Variants in FERMT1 observed in about 807,000 individuals in gnomAD.
FERMT1 encodes fermitin family homolog 1.
A neutral mutation model predicts 85.3 loss-of-function variants in FERMT1; 60 were observed. That is an observed-to-expected ratio of 0.70 (90% CI 0.57 to 0.87). The LOEUF (loss-of-function observed/expected upper bound fraction) is 0.87, where lower values mean the gene tolerates loss of function less well. Ranked by LOEUF, FERMT1 falls within the 40% of genes least tolerant of loss-of-function variation. The pLI is 0.00. For synonymous variants in FERMT1, 275 were observed against 301.1 expected (o/e 0.91, Z 0.90); for missense variants, 701 against 818.9 (o/e 0.86, Z 1.76).
At chr20:6,119,778 C>A (rs890517818) in intron 1 of FERMT1, among the ~76,000 whole-genome samples, 1 of 152,168 alleles carries the variant, frequency 6.6e-6, no homozygotes, top group Admixed American at 6.5e-5. Context: ...GGTCTCAAAT[C>A]ATCTAAATTT....
At chr20:6,087,123 A>C (rs1982209979) in intron 11 of FERMT1, among the ~76,000 whole-genome samples, 1 of 152,046 alleles carries the variant, frequency 6.6e-6, no homozygotes, top group Non-Finnish European at 1.5e-5. Context: ...GCCCTCTCAC[A>C]CTTCTGCCCT....
Position 6,094,940 on chromosome 20 carries a change from TA to T in FERMT1, c.1137del (p.Phe379LeufsTer23). ...TTTTCCCCATAAAAGTTTACTTACC[TA>T]AATAATTTGAGATTATCTGCAAGTT... ...IPKLADNLKL[F>X]RPKKLLPKAF... On this transcript the variant is annotated frameshift_variant and splice_region_variant, in exon 9 of 15. Transcript: ENST00000217289. LOFTEE classifies it high-confidence loss of function. 1.4e-6 allele frequency: 2 copies of T among 1,480,482 alleles called. No homozygotes were observed. Among genetic ancestry groups the T allele is most frequent in the Non-Finnish European group, 1.9e-6 (2 of 1,058,370 alleles). 91.7% of individuals were successfully genotyped at this position (1,480,482 alleles called of 1,614,324 possible). A position where few individuals can be genotyped will look rare whatever the true frequency, so the allele number is the denominator to read the frequency against.
At chr20:6,120,815 A>G (rs1983252574) in intron 1 of FERMT1, among the ~76,000 whole-genome samples, 1 of 152,150 alleles carries the variant, frequency 6.6e-6, no homozygotes, top group Non-Finnish European at 1.5e-5. Context: ...GGGGCCATAC[A>G]TTTCTTAACA....
intron 9 of FERMT1, among the ~76,000 whole-genome samples, chr20:6,093,715 G>T (rs1014718449): frequency 3.3e-5 from 5 of 152,224 alleles, no homozygotes; most frequent in African/African-American, 1.2e-4. Context: ...CCAGCACTTT[G>T]GGAGGCCAAG....
In FERMT1 at chr20:6,122,980, C is replaced by A. The variant is rs1449338200; in HGVS notation, c.-225G>T. On this transcript the variant is annotated 5_prime_UTR_variant, in exon 1 of 15. Coordinates refer to ENST00000217289, the MANE Select transcript of FERMT1 (RefSeq NM_017671.5). ...CAGGCGAAGCTGCCTCGGGACCTCC[C>A]ACGGAGGCTCGGTGCCTGCCCCCAG... 1 of 152,278 alleles carries A rather than the reference C, an allele frequency of 6.6e-6. No homozygotes were observed. The highest frequency in any genetic ancestry group is 1.5e-5 in the Non-Finnish European group (1 of 68,104). The allele number at this position is 152,278 out of a possible 1,614,324, so 9.4% of individuals were successfully genotyped here. A position where few individuals can be genotyped will look rare whatever the true frequency, so the allele number is the denominator to read the frequency against.
intron 4 of FERMT1, 57 bp from the exon 5 acceptor site, chr20:6,110,568 A>G: frequency 3.8e-6 from 5 of 1,310,878 alleles, no homozygotes; most frequent in Non-Finnish European, 5.5e-6. Context: ...ATAAATCTTC[A>G]AGAAAATATT....
intron 13 of FERMT1, among the ~76,000 whole-genome samples, chr20:6,082,509 C>G (rs963560013): frequency 6.6e-6 from 1 of 152,186 alleles, no homozygotes; most frequent in Non-Finnish European, 1.5e-5. Flanking sequence ...CACATATGCG[C>G]GCACATAGTG....
At chr20:6,077,643 G>C (rs1981867006) in intron 14 of FERMT1, among the ~76,000 whole-genome samples, 2 of 152,086 alleles carry the variant, frequency 1.3e-5, no homozygotes, top group South Asian at 4.1e-4. Context: ...CTGTCTCCCT[G>C]TGTTGAGGGG....
At chr20:6,106,456 C>A (rs1274283389) in intron 6 of FERMT1, among the ~76,000 whole-genome samples, 8 of 152,258 alleles carry the variant, frequency 5.3e-5, no homozygotes, top group African/African-American at 1.9e-4. Flanking sequence ...AAGGCAAGCT[C>A]CTCCAAGTGT....
In FERMT1 at chr20:6,082,716, C is replaced by T. The variant is rs1433551459; in HGVS notation, c.1718+1324G>A. ...TGTCGCCTAGGCTGGAGGGCAGTGG[C>T]GCGATCTCAGCTCACTGCAACCTCC... is the stretch of plus-strand genomic sequence containing the variant. On this transcript the variant is annotated intron_variant, in intron 13 of 14. Coordinates refer to ENST00000217289, the MANE Select transcript of FERMT1 (RefSeq NM_017671.5). Among the ~76,000 whole-genome samples, 3 of 152,260 alleles carry T rather than the reference C, an allele frequency of 2.0e-5. No homozygotes were observed. In the East Asian group the frequency reaches 5.8e-4, roughly 29 times the overall value.
Position 6,088,866 on chromosome 20 carries a change from C to T in FERMT1, c.1264+99G>A, listed in dbSNP as rs1041424667. On this transcript the variant is annotated intron_variant, in intron 10 of 14. Transcript: ENST00000217289. Reference sequence around the variant, plus strand: ...CTCGAACTCCTGACCTCAGGTGATCCGCCCGCCTCAGCCTCCCAAAGTGCT... The same window carrying T: ...CTCGAACTCCTGACCTCAGGTGATCTGCCCGCCTCAGCCTCCCAAAGTGCT... The T allele has an allele frequency of 2.2e-4, 264 of 1,206,292 alleles. 2 individuals are homozygous for T. Among genetic ancestry groups the T allele is most frequent in the South Asian group, 8.9e-4 (73 of 82,184 alleles). 74.7% of individuals were successfully genotyped at this position (1,206,292 alleles called of 1,614,324 possible). A position where few individuals can be genotyped will look rare whatever the true frequency, so the allele number is the denominator to read the frequency against.
At chr20:6,098,029 G>T (rs1031433371) in intron 6 of FERMT1, among the ~76,000 whole-genome samples, 2 of 151,932 alleles carry the variant, frequency 1.3e-5, no homozygotes, top group Admixed American at 1.3e-4. Flanking sequence ...GCCCAGGCTG[G>T]TCTCAAACTC....
intron 7 of FERMT1, 41 bp downstream of exon 7, chr20:6,097,483 G>A (rs1367850163): frequency 4.2e-6 from 6 of 1,422,072 alleles, no homozygotes; most frequent in Admixed American, 1.7e-5. Context: ...AACAAACTTG[G>A]TTTGTCTCCT....
rs1568667079 is a variant in FERMT1, at chr20:6,119,415, A to G, written c.140T>C (p.Val47Ala). Residue 47 changes from valine (V) to alanine (A), a missense_variant, in exon 2 of 15, where the codon GTA becomes GCA. Coordinates refer to ENST00000217289, the MANE Select transcript of FERMT1 (RefSeq NM_017671.5). Reference protein sequence around the residue: ...LHVGGVMLKLVEQINISQDWS... With the variant: ...LHVGGVMLKLAEQINISQDWS... ...CAAGAGTAACTTACTGATCTGTTCT[A>G]CTAACTTGAGCATCACTCCTCCAAC... 1.9e-6 allele frequency: 3 copies of G among 1,614,144 alleles called. No individual in the cohort carries two copies. The highest frequency in any genetic ancestry group is 1.6e-4 in the Middle Eastern group (1 of 6,062).
chr20:6,112,688 G>T (rs979789290), intron 3 of FERMT1, 65 bp from the exon 4 acceptor site: 4 of 1,126,482 alleles, frequency 3.6e-6, no homozygotes, highest in Non-Finnish European at 5.0e-6. Flanking sequence ...AAGACTCAGG[G>T]TCATTTTGTG....
At chr20:6,083,497 G>C (rs773006652) in intron 13 of FERMT1, among the ~76,000 whole-genome samples, 15 of 151,928 alleles carry the variant, frequency 9.9e-5, no homozygotes, top group Non-Finnish European at 1.8e-4. Flanking sequence ...GCCACACCAC[G>C]AGACACTATG....
chr20:6,096,415 C>T (rs1485360215), intron 8 of FERMT1, among the ~76,000 whole-genome samples: 1 of 152,160 alleles, frequency 6.6e-6, no homozygotes, highest in East Asian at 1.9e-4. Context: ...GTCCCAGCTA[C>T]TCCGGAGGCT....
In FERMT1 at chr20:6,076,781, C is replaced by T. The variant is rs910918601; in HGVS notation, c.*392G>A. The T allele has an allele frequency of 5.9e-6, 2 of 340,908 alleles. No individual in the cohort carries two copies. Among genetic ancestry groups the T allele is most frequent in the East Asian group, 7.5e-5 (1 of 13,364 alleles). 21.1% of individuals were successfully genotyped at this position (340,908 alleles called of 1,614,324 possible). A position where few individuals can be genotyped will look rare whatever the true frequency, so the allele number is the denominator to read the frequency against. On this transcript the variant is annotated 3_prime_UTR_variant, in exon 15 of 15. Transcript: ENST00000217289. ...TGTGAAATAAGAGTTGTTCTTGCTA[C>T]ACGTGATTTTTACCTTTCTGTCTTC...
chr20:6,109,244 A>G (rs1214370823), intron 5 of FERMT1, among the ~76,000 whole-genome samples: 2 of 152,198 alleles, frequency 1.3e-5, no homozygotes, highest in Non-Finnish European at 2.9e-5. Flanking sequence ...AAGTGTCAGG[A>G]CAGAGCTACA....
Sources: gnomAD v4.1 joint callset for allele counts (sites outside exome capture counted in the v4.1 genomes callset) on GRCh38, gnomAD v4.1.1 for gene constraint, MANE v1.5 for transcripts, NCBI Gene and HGNC (gene_info 2026-07-23, HGNC 2026-07-21) for gene names.